Variants in ARID1B observed in about 807,000 individuals in gnomAD.
ARID1B encodes the protein AT-rich interactive domain-containing protein 1B.
In ARID1B, 30 loss-of-function variants were observed where a neutral mutation model predicts 212.3. That is an observed-to-expected ratio of 0.14 (90% CI 0.11 to 0.19). The LOEUF is 0.19. Ranked by LOEUF, ARID1B falls within the 10% of genes least tolerant of loss-of-function variation. The probability of loss-of-function intolerance (pLI) is 1.00; values close to 1 mark genes in which losing one functional copy is unlikely to be tolerated. For missense variants in ARID1B, 2,891 were observed against 3,204.0 expected (o/e 0.90, Z 2.36); for synonymous variants, 1,402 against 1,301.7 (o/e 1.08, Z -1.66).
At chr6:157,022,046 A>C (rs1297443202) in intron 4 of ARID1B, among the ~76,000 whole-genome samples, 2 of 152,216 alleles carry the variant, frequency 1.3e-5, no homozygotes, top group Admixed American at 1.3e-4. Flanking sequence ...CGTTCGCGTA[A>C]TTAAAACGAG....
rs797045266 is a variant in ARID1B, at chr6:156,777,927, A to C, written c.247A>C (p.Asn83His). 6.6e-7 allele frequency: 1 copy of C among 1,524,944 alleles called. No homozygotes were observed. The highest frequency in any genetic ancestry group is 8.7e-7 in the Non-Finnish European group (1 of 1,143,162). 94.5% of individuals were successfully genotyped at this position (1,524,944 alleles called of 1,614,324 possible). The change falls in exon 1 of 20, where the codon AAC becomes CAC. Residue 83 changes from asparagine (N) to histidine (H), a missense_variant. By Grantham distance (68) the Asn-to-His change is moderately conservative. This residue lies in a region of ARID1B where 1,643 missense variants were observed against 1,544.0 expected (regional missense o/e 1.06). Coordinates refer to ENST00000636930, the MANE Select transcript of ARID1B (RefSeq NM_001374828.1). The part of the protein sequence containing the change: ...HHPLLPRHEL[N>H]MAHNAGAAAA... ...CCCCCTGCTCCCCCGTCACGAACTCAACATGGCCCATAACGCGGGCGCCGC... is the reference window on the plus strand; with the variant it reads ...CCCCCTGCTCCCCCGTCACGAACTCCACATGGCCCATAACGCGGGCGCCGC...
intron 4 of ARID1B, among the ~76,000 whole-genome samples, chr6:156,948,354 A>G (rs749388300): frequency 6.6e-6 from 1 of 152,018 alleles, no homozygotes; most frequent in Non-Finnish European, 1.5e-5. Context: ...CTGGAACTAT[A>G]GGCGTGTGCC....
At chr6:156,787,524 C>T (rs1182162913) in intron 1 of ARID1B, among the ~76,000 whole-genome samples, 3 of 152,136 alleles carry the variant, frequency 2.0e-5, no homozygotes, top group Admixed American at 2.0e-4. Context: ...TTTGTGAAAT[C>T]TTGAGAACCA....
At chr6:157,074,425 A>G (rs142032897) in intron 4 of ARID1B, among the ~76,000 whole-genome samples, 58 of 152,138 alleles carry the variant, frequency 3.8e-4, no homozygotes, top group African/African-American at 1.4e-3. Context: ...GGGTTTCACC[A>G]TGTTGGCCAG....
At chr6:156,813,960 C>T (rs963288128) in intron 1 of ARID1B, among the ~76,000 whole-genome samples, 26 of 152,168 alleles carry the variant, frequency 1.7e-4, no homozygotes, top group Non-Finnish European at 2.5e-4. Context: ...TTCATGCTCC[C>T]GCGCTGTGGA....
At chr6:157,060,630 C>CTTTTTTTTTTT (rs56870548) in intron 4 of ARID1B, among the ~76,000 whole-genome samples, 13 of 72,036 alleles carry the variant, frequency 1.8e-4, no homozygotes, top group African/African-American at 8.1e-4. Flanking sequence ...AAAATCTGAA[C>CTTTTTTTTTTT]TTTTTTTTTT....
At chr6:156,783,899 C>T (rs1239780241) in intron 1 of ARID1B, among the ~76,000 whole-genome samples, 1 of 152,100 alleles carries the variant, frequency 6.6e-6, no homozygotes, top group African/African-American at 2.4e-5. Flanking sequence ...TCACTCGTGT[C>T]ACTTTTGTTT....
Position 156,777,955 on chromosome 6 carries a change from C to A in ARID1B, c.275C>A (p.Ala92Asp). The change falls in exon 1 of 20, where the codon GCC becomes GAC. Residue 92 changes from alanine (A) to aspartate (D), a missense_variant. Physicochemically the swap from Ala to Asp is moderately radical, Grantham distance 126. This residue lies in a region of ARID1B where 1,643 missense variants were observed against 1,544.0 expected (regional missense o/e 1.06). Transcript: ENST00000636930. The stretch of plus-strand genomic sequence containing the variant: ...ATGGCCCATAACGCGGGCGCCGCGG[C>A]CGCCGCCGGCACCCACAGCGCCAAG... ...LNMAHNAGAA[A>D]AAGTHSAKSG... is the part of the protein sequence containing the mutation. The A allele has an allele frequency of 1.3e-6, 2 of 1,529,572 alleles. No homozygotes were observed. Among genetic ancestry groups the A allele is most frequent in the East Asian group, 2.5e-5 (1 of 40,656 alleles). 94.8% of individuals were successfully genotyped at this position (1,529,572 alleles called of 1,614,324 possible).
At position 157,190,133 on chromosome 6, in the gene ARID1B, A is replaced by C. The variant is rs768013849; in HGVS notation, c.4154A>C (p.Gln1385Pro). ...NSMTPNAPYQ[Q>P]GMSMPDVMGR... ...ATGACTCCAAACGCCCCCTACCAGC[A>C]GGGCATGAGCATGCCCGATGTGATG... Residue 1385 changes from glutamine to proline, a missense_variant, in exon 15 of 20, where the codon CAG becomes CCG. Physicochemically the swap from Gln to Pro is moderately conservative, Grantham distance 76. This residue lies in a region of ARID1B where 666 missense variants were observed against 873.5 expected (regional missense o/e 0.76). Transcript: ENST00000636930. This position sits in a 1 kb window ranked among gnomAD's most constrained non-coding sequence, Gnocchi z 4.6. 65 of 1,614,202 alleles carry C rather than the reference A, an allele frequency of 4.0e-5. No homozygotes were observed. Among genetic ancestry groups the C allele is most frequent in the South Asian group, 2.4e-4 (22 of 91,090 alleles).
intron 8 of ARID1B, among the ~76,000 whole-genome samples, chr6:157,156,105 A>G (rs1583418986): frequency 6.6e-6 from 1 of 152,206 alleles, no homozygotes. Flanking sequence ...TGTCAAAGAG[A>G]AGGGGCAAAA....
chr6:156,963,721 TCTC>T (rs539105022), intron 4 of ARID1B, among the ~76,000 whole-genome samples: 74 of 152,214 alleles, frequency 4.9e-4, no homozygotes, highest in Non-Finnish European at 9.0e-4. Context: ...ATCAAATAAA[TCTC>T]CTGAAACCAA....
chr6:157,058,881 AAGG>A (rs1291881116), intron 4 of ARID1B, among the ~76,000 whole-genome samples: 1 of 152,168 alleles, frequency 6.6e-6, no homozygotes, highest in Non-Finnish European at 1.5e-5. Flanking sequence ...TCAGGCATTG[AAGG>A]AGATTTGACT....
At chr6:156,885,833 A>AG (rs1437991017) in intron 2 of ARID1B, among the ~76,000 whole-genome samples, 3 of 152,170 alleles carry the variant, frequency 2.0e-5, no homozygotes, top group Non-Finnish European at 4.4e-5. Context: ...CTCACAACGA[A>AG]GCCTCCCCTT....
At chr6:157,069,104 A>G (rs960017480) in intron 4 of ARID1B, among the ~76,000 whole-genome samples, 1 of 152,038 alleles carries the variant, frequency 6.6e-6, no homozygotes, top group East Asian at 1.9e-4. Context: ...TATCTGAACT[A>G]CTGTGGTTAT....
At chr6:156,894,087 G>T (rs773466016) in intron 2 of ARID1B, among the ~76,000 whole-genome samples, 1 of 152,038 alleles carries the variant, frequency 6.6e-6, no homozygotes, top group Non-Finnish European at 1.5e-5. Context: ...TATACATTCC[G>T]TGGCCTTAAA....
At chr6:157,142,320 T>C (rs1789418589) in intron 7 of ARID1B, among the ~76,000 whole-genome samples, 1 of 152,180 alleles carries the variant, frequency 6.6e-6, no homozygotes, top group Admixed American at 6.5e-5. Flanking sequence ...TAGAATTTTT[T>C]ATATCTCAAT....
upstream of ARID1B, chr6:156,776,343 C>T (rs967595629): frequency 6.6e-6 from 1 of 152,064 alleles, no homozygotes; most frequent in Non-Finnish European, 1.5e-5. Context: ...AAGTATGGAA[C>T]ATTTCTACAT....
intron 9 of ARID1B, chr6:157,168,267 C>T (rs1791477540): frequency 1.3e-5 from 2 of 152,280 alleles, no homozygotes; most frequent in South Asian, 4.1e-4. Context: ...ATGATAATTT[C>T]TCTTGAAAGA....
intron 4 of ARID1B, among the ~76,000 whole-genome samples, chr6:157,031,492 G>A (rs1457854939): frequency 1.3e-5 from 2 of 152,176 alleles, no homozygotes; most frequent in Non-Finnish European, 2.9e-5. Flanking sequence ...CTTGTTGATT[G>A]TTACTAGCCT....
Sources: allele counts gnomAD v4.1 joint callset (sites outside exome capture counted in the v4.1 genomes callset), GRCh38; gene constraint gnomAD v4.1.1; regional missense constraint gnomAD v4.1.1; non-coding constraint Gnocchi (gnomAD v3.1); transcripts MANE v1.5; gene names NCBI Gene and HGNC (gene_info 2026-07-23, HGNC 2026-07-21).